The following WSB1 variants were observed in gnomAD, a reference collection of about 807,000 sequenced individuals.
The protein encoded by WSB1 is WD repeat and SOCS box-containing protein 1.
A neutral mutation model predicts 50.2 loss-of-function variants in WSB1; 23 were observed. The ratio of observed to expected loss-of-function variants is 0.46; its 90% CI spans 0.33 to 0.65. The LOEUF is 0.65. Ranked by LOEUF, WSB1 falls within the 30% of genes least tolerant of loss-of-function variation. The pLI is 0.02. For synonymous variants in WSB1, 179 were observed against 172.0 expected, an observed-to-expected ratio of 1.04 and a Z score of -0.32; for missense variants, 492 against 522.3, an observed-to-expected ratio of 0.94 and a Z score of 0.56.
At position 27,311,631 on chromosome 17, in the gene WSB1, C is replaced by CTTTTTTTTT; in HGVS notation, c.1106+16_1106+17insTTTTTTTTT. The CTTTTTTTTT allele has an allele frequency of 1.9e-6, 1 of 537,246 alleles. No homozygotes were observed. Among genetic ancestry groups the CTTTTTTTTT allele is most frequent in the East Asian group, 4.2e-5 (1 of 23,834 alleles). The allele number at this position is 537,246 out of a possible 1,614,324, so 33.3% of individuals were successfully genotyped here. A position where few individuals can be genotyped will look rare whatever the true frequency, so the allele number is the denominator to read the frequency against. On this transcript the variant is annotated intron_variant, in intron 8 of 8. Transcript: ENST00000262394. Reference sequence around the variant, plus strand: ...TTAGCTGCTGGGTAAATATATTTTTCTCTTTTTTTTTTTTTTTTTTTTTTT... The same window carrying CTTTTTTTTT: ...TTAGCTGCTGGGTAAATATATTTTTCTTTTTTTTTTCTTTTTTTTTTTTTTTTTTTTTTT...
intron 1 of WSB1, among the ~76,000 whole-genome samples, chr17:27,298,073 GGA>G (rs2017060468): frequency 6.7e-6 from 1 of 148,850 alleles, no homozygotes; most frequent in Admixed American, 6.7e-5. Context: ...TGTAGTGAGC[GGA>G]GATCATGCCA....
chr17:27,304,189 A>G (rs2017349452), intron 3 of WSB1, among the ~76,000 whole-genome samples: 1 of 152,242 alleles, frequency 6.6e-6, no homozygotes, highest in South Asian at 2.1e-4. Context: ...ACATTAGAAC[A>G]TAACAAGTGA....
chr17:27,295,858 T>C (rs949224385), intron 1 of WSB1, among the ~76,000 whole-genome samples: 2 of 150,760 alleles, frequency 1.3e-5, no homozygotes, highest in African/African-American at 4.9e-5. Context: ...TTTTTTGAGA[T>C]GGAGTTTTTG....
At chr17:27,309,928 T>G (rs11080131) in intron 6 of WSB1, 133 bp from the exon 7 acceptor site, 228,384 of 659,100 alleles carry the variant, frequency 0.35, 41,271 homozygotes, top group Middle Eastern at 0.46. Flanking sequence ...ATGTATCATC[T>G]CTACTGAGTC....
intron 4 of WSB1, among the ~76,000 whole-genome samples, chr17:27,305,803 G>A (rs187097438): frequency 1.4e-4 from 22 of 152,308 alleles, no homozygotes; most frequent in African/African-American, 5.1e-4. Context: ...GATGCCAACA[G>A]TTGAAATATT....
Position 27,304,841 on chromosome 17 carries a change from A to G in WSB1, c.540A>G (p.Pro180=), listed in dbSNP as rs1242841244. The change falls in exon 4 of 9, where the codon CCA becomes CCG. Residue 180 remains proline, a synonymous_variant. Coordinates refer to ENST00000262394, the MANE Select transcript of WSB1 (RefSeq NM_015626.10). ...TGGTCAGAGATTTAACTTTTGCTCC[A>G]GATGGAAGCTTGATCCTGGTGTCAG... ...TEVVRDLTFA[P]DGSLILVSAS... 1 of 1,613,958 alleles carries G rather than the reference A, an allele frequency of 6.2e-7. No individual in the cohort carries two copies. The highest frequency in any genetic ancestry group is 8.5e-7 in the Non-Finnish European group (1 of 1,179,998).
At chr17:27,299,194 C>T (rs1184817697) in intron 1 of WSB1, among the ~76,000 whole-genome samples, 3 of 152,214 alleles carry the variant, frequency 2.0e-5, no homozygotes, top group African/African-American at 7.2e-5. Context: ...TATCTGCAGG[C>T]ATTTGAGGGT....
At chr17:27,306,664 T>A (rs921781894) in intron 4 of WSB1, 118 bp from the exon 5 acceptor site, 15 of 934,934 alleles carry the variant, frequency 1.6e-5, no homozygotes, top group Admixed American at 2.5e-5. Flanking sequence ...TAACCCTTGT[T>A]ATAGATAAAT....
intron 4 of WSB1, 103 bp downstream of exon 4, chr17:27,305,014 A>G: frequency 6.8e-7 from 1 of 1,460,374 alleles, no homozygotes; most frequent in South Asian, 1.3e-5. Flanking sequence ...ATGACATGTG[A>G]TCAAAGTTCC....
At chr17:27,311,962 C>CT (rs2017702671) in intron 8 of WSB1, among the ~76,000 whole-genome samples, 1 of 152,046 alleles carries the variant, frequency 6.6e-6, no homozygotes, top group Admixed American at 6.6e-5. Flanking sequence ...TTTCTCTTTT[C>CT]TTTAAGGGCC....
In WSB1 at chr17:27,309,980, A is replaced by G. The variant is rs1366195697; in HGVS notation, c.885-81A>G. On this transcript the variant is annotated intron_variant, in intron 6 of 8. Transcript: ENST00000262394. Reference sequence around the variant, plus strand: ...TTAAGGCTACTTTAAACACTATTCAAAGACAGATGTACTTTGTACCTGGGT... The same window carrying G: ...TTAAGGCTACTTTAAACACTATTCAGAGACAGATGTACTTTGTACCTGGGT... 3.7e-6 allele frequency: 4 copies of G among 1,090,498 alleles called. No homozygotes were observed. In the South Asian group the frequency reaches 4.0e-5, roughly 11 times the overall value. 67.6% of individuals were successfully genotyped at this position (1,090,498 alleles called of 1,614,324 possible).
intron 1 of WSB1, among the ~76,000 whole-genome samples, chr17:27,296,229 T>A (rs1253547814): frequency 6.6e-6 from 1 of 151,668 alleles, no homozygotes; most frequent in Admixed American, 6.6e-5. Flanking sequence ...CCCCCTGATT[T>A]CTCTTTTCTT....
rs2016851654 is a variant in WSB1 at position 27,294,319 on chromosome 17, C to G, written c.-77C>G. On this transcript the variant is annotated 5_prime_UTR_variant, in exon 1 of 9. Coordinates refer to ENST00000262394, the MANE Select transcript of WSB1 (RefSeq NM_015626.10). ...CCCGGGAGGGACCAACTTGGCGTCA[C>G]GCCCCTCAGCGGTCGCCACTCTCTT... is the stretch of plus-strand genomic sequence containing the variant. The G allele has an allele frequency of 6.4e-7, 1 of 1,574,412 alleles. No homozygotes were observed. The highest frequency in any genetic ancestry group is 1.7e-5 in the Admixed American group (1 of 57,716).
At chr17:27,299,282 T>G (rs1186675112) in intron 1 of WSB1, among the ~76,000 whole-genome samples, 2 of 152,022 alleles carry the variant, frequency 1.3e-5, no homozygotes, top group Non-Finnish European at 2.9e-5. Context: ...AGGCTGAAGG[T>G]GGGAGGATCA....
intron 2 of WSB1, 125 bp from the exon 3 acceptor site, chr17:27,303,242 T>C: frequency 9.3e-7 from 1 of 1,072,768 alleles, no homozygotes; most frequent in Non-Finnish European, 1.3e-6. Context: ...TATAGGATTC[T>C]ATTGTTATTT....
intron 3 of WSB1, among the ~76,000 whole-genome samples, chr17:27,304,142 CAT>C (rs1210346116): frequency 1.3e-5 from 2 of 151,672 alleles, no homozygotes; most frequent in Non-Finnish European, 2.9e-5. Context: ...TACTCAAAAA[CAT>C]AAAGGATTTT....
chr17:27,309,044 C>T, intron 5 of WSB1, 56 bp from the exon 6 acceptor site: 3 of 1,482,616 alleles, frequency 2.0e-6, no homozygotes, highest in East Asian at 2.3e-5. Flanking sequence ...ATAAGATGTG[C>T]CATTTTGTCC....
rs888217496 is a variant in WSB1, at chr17:27,314,547, G to A, written c.*2178G>A. 3 of 152,140 alleles carry A rather than the reference G, an allele frequency of 2.0e-5. No individual in the cohort carries two copies. Among genetic ancestry groups the A allele is most frequent in the Non-Finnish European group, 2.9e-5 (2 of 68,036 alleles). 9.4% of individuals were successfully genotyped at this position (152,140 alleles called of 1,614,324 possible). A position where few individuals can be genotyped will look rare whatever the true frequency, so the allele number is the denominator to read the frequency against. Reference sequence around the variant, plus strand: ...GCTGAGATCACGCAACTGCACTCCAGCCTGGGTGACAGAGTAAGACTCTAA... The same window carrying A: ...GCTGAGATCACGCAACTGCACTCCAACCTGGGTGACAGAGTAAGACTCTAA... On this transcript the variant is annotated 3_prime_UTR_variant, in exon 9 of 9. Coordinates refer to ENST00000262394, the MANE Select transcript of WSB1 (RefSeq NM_015626.10).
intron 5 of WSB1, chr17:27,307,478 G>A: frequency 2.0e-6 from 1 of 503,296 alleles, no homozygotes; most frequent in Non-Finnish European, 3.5e-6. Context: ...ATTGATCTCA[G>A]TAGCTTCAAG....
Sources: gnomAD v4.1 joint callset for allele counts (sites outside exome capture counted in the v4.1 genomes callset) on GRCh38, gnomAD v4.1.1 for gene constraint, MANE v1.5 for transcripts, NCBI Gene and HGNC (gene_info 2026-07-23, HGNC 2026-07-21) for gene names.